The following DMD variants were observed in gnomAD, a reference collection of about 807,000 sequenced individuals.
DMD encodes dystrophin.
DMD carries 63 observed loss-of-function variants against 330.1 expected under a neutral mutation model. The ratio of observed to expected loss-of-function variants is 0.19; its 90% CI spans 0.16 to 0.24. The LOEUF is 0.24. Among genes scored for constraint, DMD ranks in the 10% least tolerant of loss-of-function variants. The pLI is 1.00. For missense variants in DMD, 3,344 were observed against 2,684.1 expected (o/e 1.25, Z -5.43); for synonymous variants, 1,223 against 959.8 (o/e 1.27, Z -5.07).
intron 44 of DMD, among the ~76,000 whole-genome samples, chrX:31,992,625 A>G (rs2095558314): frequency 9.0e-6 from 1 of 111,269 alleles, no homozygotes; most frequent in Admixed American, 9.6e-5. Context: ...TCCACCCACA[A>G]CAAACCTTCC....
chrX:32,132,229 G>C (rs775691180), intron 44 of DMD, among the ~76,000 whole-genome samples: 2 of 111,295 alleles, frequency 1.8e-5, no homozygotes, highest in Non-Finnish European at 3.8e-5. Flanking sequence ...TAAATGGGTG[G>C]GTCAGTAACG....
rs1309068025 is a variant in DMD at position 32,887,763 on chromosome X, A to AC, written c.94-37944_94-37943insG. 5.9e-5 allele frequency among the ~76,000 whole-genome samples: 6 copies of AC among 101,527 alleles called. 1 individual carries two copies. Among genetic ancestry groups the AC allele is most frequent in the South Asian group, 4.8e-4 (1 of 2,104 alleles). 88.2% of individuals were successfully genotyped at this position (101,527 alleles called of 115,157 possible). A position where few individuals can be genotyped will look rare whatever the true frequency, so the allele number is the denominator to read the frequency against. ...ACTGTCTCAAAAAAAAAAAAAAAAAAAAAAAAAAAAAAACATCAACTAAAA... is the reference window on the plus strand; with the variant it reads ...ACTGTCTCAAAAAAAAAAAAAAAAAACAAAAAAAAAAAAACATCAACTAAAA... On this transcript the variant is annotated intron_variant, in intron 2 of 78. Transcript: ENST00000357033.
At chrX:33,098,667 C>A (rs1417164328) in intron 1 of DMD, among the ~76,000 whole-genome samples, 1 of 111,574 alleles carries the variant, frequency 9.0e-6, no homozygotes, top group Non-Finnish European at 1.9e-5. Context: ...AAACAGCACT[C>A]GAACATAAAT....
chrX:32,754,328 A>T (rs2071210215), intron 7 of DMD, among the ~76,000 whole-genome samples: 1 of 110,859 alleles, frequency 9.0e-6, no homozygotes. Flanking sequence ...TAAGTAATAC[A>T]GCTAGGATTC....
chrX:31,967,504 A>G (rs1234549069), intron 45 of DMD, among the ~76,000 whole-genome samples: 1 of 108,628 alleles, frequency 9.2e-6, no homozygotes, highest in African/African-American at 3.3e-5. Flanking sequence ...TTAACGAAAG[A>G]TATTCATCAA....
At chrX:32,674,352 A>G (rs1285740552) in intron 9 of DMD, among the ~76,000 whole-genome samples, 2 of 111,485 alleles carry the variant, frequency 1.8e-5, no homozygotes, top group Admixed American at 9.6e-5. Flanking sequence ...CAATCACTGG[A>G]TAATGTTTTA....
At chrX:31,483,339 C>T (rs1013271973) in intron 57 of DMD, among the ~76,000 whole-genome samples, 3 of 111,663 alleles carry the variant, frequency 2.7e-5, no homozygotes, top group African/African-American at 9.8e-5. Context: ...AGCCACCACG[C>T]CCGGCCGGAA....
intron 52 of DMD, among the ~76,000 whole-genome samples, chrX:31,725,795 A>G (rs769541136): frequency 8.9e-6 from 1 of 112,372 alleles, no homozygotes; most frequent in East Asian, 2.8e-4. Flanking sequence ...CAAATGTTAC[A>G]GGAACGACAT....
In DMD at chrX:31,660,231, G is replaced by A. The variant is rs150611615; in HGVS notation, c.7873-2087C>T. Among the ~76,000 whole-genome samples the A allele has an allele frequency of 6.3e-3, 701 of 112,006 alleles. 6 individuals are homozygous for A. The highest frequency in any genetic ancestry group is 0.021 in the African/African-American group (662 of 30,885). On this transcript the variant is annotated intron_variant, in intron 53 of 78. Transcript: ENST00000357033. ...TACAAAACAATTAACATTTATCCGC[G>A]TGGAATGCCTGCCTTTTCTTCCATA... is the stretch of plus-strand genomic sequence containing the variant.
At chrX:32,227,264 C>CATATAT (rs57305198) in intron 43 of DMD, among the ~76,000 whole-genome samples, 104 of 35,849 alleles carry the variant, frequency 2.9e-3, no homozygotes, top group East Asian at 5.2e-3. Context: ...TAAGTCTAAG[C>CATATAT]ATATATATAT....
At chrX:32,568,026 CAA>C (rs773212913) in intron 15 of DMD, among the ~76,000 whole-genome samples, 6 of 111,917 alleles carry the variant, frequency 5.4e-5, no homozygotes, top group African/African-American at 1.6e-4. Context: ...ATTATTTAAA[CAA>C]AATATGTAAT....
intron 21 of DMD, among the ~76,000 whole-genome samples, chrX:32,473,586 T>A (rs1271469696): frequency 9.0e-6 from 1 of 111,649 alleles, no homozygotes; most frequent in African/African-American, 3.3e-5. Context: ...GTATTTTGCA[T>A]GTATTTAATG....
rs185701510 is a variant in DMD, at chrX:32,492,295, G to A, written c.2381-777C>T. 3.6e-3 allele frequency among the ~76,000 whole-genome samples: 410 copies of A among 112,334 alleles called. 2 individuals are homozygous for A. Among genetic ancestry groups the A allele is most frequent in the African/African-American group, 0.012 (378 of 30,953 alleles). On this transcript the variant is annotated intron_variant, in intron 19 of 78. Transcript: ENST00000357033. ...GGAGCTTGCAGTGAGCGGAGATCGC[G>A]CCACTGCACTCCAGCCTGGGTGACA...
At chrX:32,189,904 A>G (rs1196925215) in intron 44 of DMD, among the ~76,000 whole-genome samples, 1 of 111,011 alleles carries the variant, frequency 9.0e-6, no homozygotes, top group African/African-American at 3.3e-5. Context: ...TTATACTTTA[A>G]GTTCTAGGGT....
chrX:33,233,616 C>G, intron 1 of DMD, among the ~76,000 whole-genome samples: 1 of 111,993 alleles, frequency 8.9e-6, no homozygotes, highest in South Asian at 3.7e-4. Context: ...ACATGAAGAA[C>G]AGATTAATGG....
At chrX:33,032,216 AC>A (rs909980517) in intron 1 of DMD, among the ~76,000 whole-genome samples, 2 of 111,648 alleles carry the variant, frequency 1.8e-5, no homozygotes, top group Admixed American at 9.5e-5. Flanking sequence ...AAGTGTTTTC[AC>A]TTTTCTTGGT....
chrX:33,095,537 G>C (rs1433431531), intron 1 of DMD, among the ~76,000 whole-genome samples: 6 of 112,076 alleles, frequency 5.4e-5, no homozygotes, highest in African/African-American at 1.9e-4. Context: ...ATTTACATTC[G>C]ATTTATATTA....
At chrX:31,788,764 A>G (rs2091432068) in intron 50 of DMD, among the ~76,000 whole-genome samples, 1 of 111,198 alleles carries the variant, frequency 9.0e-6, no homozygotes, top group South Asian at 3.8e-4. Flanking sequence ...TTGGGTGCAT[A>G]TATATTTACA....
At chrX:31,736,690 T>A (rs2086896741) in intron 51 of DMD, among the ~76,000 whole-genome samples, 1 of 111,783 alleles carries the variant, frequency 8.9e-6, no homozygotes, top group African/African-American at 3.2e-5. Flanking sequence ...TAAACAATTA[T>A]TTTTTGTGTA....
Sources: gnomAD v4.1 joint callset for allele counts (sites outside exome capture counted in the v4.1 genomes callset) on GRCh38, gnomAD v4.1.1 for gene constraint, MANE v1.5 for transcripts, NCBI Gene and HGNC (gene_info 2026-07-23, HGNC 2026-07-21) for gene names.